Variants in ZBTB7C observed in about 807,000 individuals in gnomAD.
The protein encoded by ZBTB7C is zinc finger and BTB domain containing 7C, also known as zinc finger and BTB domain-containing protein 7C.
Under a neutral mutation model 25.7 loss-of-function variants are expected in ZBTB7C, and 8 were observed. The ratio of observed to expected loss-of-function variants is 0.31; its 90% CI spans 0.18 to 0.56. The LOEUF (loss-of-function observed/expected upper bound fraction) is 0.56. Ranked by LOEUF, ZBTB7C falls within the 20% of genes least tolerant of loss-of-function variation. The probability of loss-of-function intolerance (pLI) is 0.91; values close to 1 mark genes in which losing one functional copy is unlikely to be tolerated. For synonymous variants in ZBTB7C, 394 were observed against 369.0 expected (o/e 1.07, Z -0.78); for missense variants, 824 against 855.2 (o/e 0.96, Z 0.46).
chr18:48,209,435 A>C (rs1424069033), intron 2 of ZBTB7C, among the ~76,000 whole-genome samples: 1 of 152,228 alleles, frequency 6.6e-6, no homozygotes, highest in Non-Finnish European at 1.5e-5. Flanking sequence ...CAAAGTTACC[A>C]AAAGTCAATA....
At chr18:48,062,822 A>G (rs559724868) in intron 3 of ZBTB7C, among the ~76,000 whole-genome samples, 1 of 152,368 alleles carries the variant, frequency 6.6e-6, no homozygotes, top group South Asian at 2.1e-4. Flanking sequence ...GCTGAGGCAC[A>G]GAGATGTCAA....
At chr18:48,135,786 G>A (rs1355040669) in intron 3 of ZBTB7C, among the ~76,000 whole-genome samples, 2 of 152,190 alleles carry the variant, frequency 1.3e-5, no homozygotes, top group Admixed American at 6.5e-5. Flanking sequence ...CTCATCTGGA[G>A]AAACTGCTCG....
intron 3 of ZBTB7C, among the ~76,000 whole-genome samples, chr18:48,052,396 G>C (rs533717466): frequency 4.6e-5 from 7 of 152,308 alleles, no homozygotes; most frequent in African/African-American, 1.7e-4. Flanking sequence ...ACCCTTCCTG[G>C]GGATATTTTG....
At chr18:48,326,270 A>AT (rs1181792330) in intron 2 of ZBTB7C, among the ~76,000 whole-genome samples, 2 of 151,842 alleles carry the variant, frequency 1.3e-5, no homozygotes, top group Admixed American at 6.6e-5. Context: ...TAATTTTTGC[A>AT]TTTTTAGTAG....
intron 2 of ZBTB7C, among the ~76,000 whole-genome samples, chr18:48,318,523 A>G (rs2046007585): frequency 6.6e-6 from 1 of 151,960 alleles, no homozygotes; most frequent in Admixed American, 6.6e-5. Context: ...GCTGTTCCTC[A>G]CACTAGGAGG....
chr18:48,164,503 A>AT (rs1348978275), intron 3 of ZBTB7C, among the ~76,000 whole-genome samples: 1 of 152,064 alleles, frequency 6.6e-6, no homozygotes, highest in Non-Finnish European at 1.5e-5. Flanking sequence ...CATCTGCTAG[A>AT]TTTCCCTTCT....
intron 2 of ZBTB7C, among the ~76,000 whole-genome samples, chr18:48,235,338 C>G (rs1235486386): frequency 6.6e-6 from 1 of 152,012 alleles, no homozygotes; most frequent in Non-Finnish European, 1.5e-5. Flanking sequence ...AGTGCTTACT[C>G]TTAAATGTTT....
chr18:48,034,987 G>A (rs192784232), intron 4 of ZBTB7C, among the ~76,000 whole-genome samples: 5 of 152,250 alleles, frequency 3.3e-5, no homozygotes, highest in East Asian at 3.9e-4. Flanking sequence ...CTTGTAACCC[G>A]ATGGTTTGAG....
chr18:48,074,790 C>T (rs575839625), intron 3 of ZBTB7C, among the ~76,000 whole-genome samples: 4 of 152,158 alleles, frequency 2.6e-5, no homozygotes, highest in Admixed American at 6.5e-5. Context: ...TTTAGCTGGA[C>T]GGTTCCAGCC....
intron 2 of ZBTB7C, among the ~76,000 whole-genome samples, chr18:48,212,788 C>CA (rs1307631654): frequency 1.3e-5 from 2 of 151,994 alleles, no homozygotes; most frequent in Non-Finnish European, 2.9e-5. Flanking sequence ...CCATGCCAGA[C>CA]AAGGGGGGAT....
At chr18:48,280,181 G>A (rs1318179616) in intron 2 of ZBTB7C, among the ~76,000 whole-genome samples, 2 of 152,102 alleles carry the variant, frequency 1.3e-5, no homozygotes, top group East Asian at 3.9e-4. Flanking sequence ...GAGCCAGCTT[G>A]TCAGAGAAGG....
intron 3 of ZBTB7C, among the ~76,000 whole-genome samples, chr18:48,055,554 C>A (rs1179260661): frequency 2.0e-5 from 3 of 152,018 alleles, no homozygotes; most frequent in Non-Finnish European, 4.4e-5. Context: ...TGCAACAATG[C>A]ATCACAAGTG....
At chr18:48,118,056 A>G (rs1181164827) in intron 3 of ZBTB7C, among the ~76,000 whole-genome samples, 1 of 137,682 alleles carries the variant, frequency 7.3e-6, no homozygotes, top group African/African-American at 2.8e-5. Flanking sequence ...CCCGGGCTGG[A>G]GTGCAGTGGC....
At chr18:48,170,108 C>T (rs757974152) in intron 3 of ZBTB7C, among the ~76,000 whole-genome samples, 34 of 152,202 alleles carry the variant, frequency 2.2e-4, no homozygotes, top group Non-Finnish European at 3.7e-4. Flanking sequence ...CAGCAAAATC[C>T]GCCTTAAGGG....
chr18:48,130,223 G>A (rs1247450675), intron 3 of ZBTB7C, among the ~76,000 whole-genome samples: 1 of 152,160 alleles, frequency 6.6e-6, no homozygotes, highest in African/African-American at 2.4e-5. Flanking sequence ...CATTATTTGA[G>A]GACAGAAATG....
At chr18:48,364,745 C>A (rs917589394) in intron 1 of ZBTB7C, among the ~76,000 whole-genome samples, 38 of 152,326 alleles carry the variant, frequency 2.5e-4, no homozygotes, top group East Asian at 1.7e-3. Flanking sequence ...TCTTGTATAT[C>A]CTTCCAGAGG....
chr18:48,405,239 G>T (rs950960933), intron 1 of ZBTB7C, among the ~76,000 whole-genome samples: 3 of 152,130 alleles, frequency 2.0e-5, no homozygotes, highest in African/African-American at 7.2e-5. Flanking sequence ...TTGGTTTGAG[G>T]AGTGGGTGGG....
At chr18:48,250,389 G>A (rs994906286) in intron 2 of ZBTB7C, among the ~76,000 whole-genome samples, 1 of 152,084 alleles carries the variant, frequency 6.6e-6, no homozygotes, top group African/African-American at 2.4e-5. Context: ...GTAGAAAAGG[G>A]GATAAGAAAA....
At chr18:48,076,534 C>T (rs4939718) in intron 3 of ZBTB7C, among the ~76,000 whole-genome samples, 13,291 of 152,234 alleles carry the variant, frequency 0.087, 604 homozygotes, top group South Asian at 0.11. Flanking sequence ...ATCCAGGACA[C>T]TGACCCCAAA....
Sources: gnomAD v4.1 joint callset for allele counts (sites outside exome capture counted in the v4.1 genomes callset) on GRCh38, gnomAD v4.1.1 for gene constraint, MANE v1.5 for transcripts, NCBI Gene and HGNC (gene_info 2026-07-23, HGNC 2026-07-21) for gene names.